TMEM165: variants seen among roughly 807,000 people sequenced by gnomAD.
TMEM165 encodes the protein putative divalent cation/proton antiporter TMEM165.
Under a neutral mutation model 30.0 loss-of-function variants are expected in TMEM165, and 19 were observed. The observed-to-expected ratio is 0.63, with a 90% CI of 0.44 to 0.93. TMEM165 has a LOEUF of 0.93. Ranked by LOEUF, TMEM165 falls within the 40% of genes least tolerant of loss-of-function variation. The probability of loss-of-function intolerance (pLI) is 0.00; values close to 1 mark genes in which losing one functional copy is unlikely to be tolerated. For synonymous variants in TMEM165, 168 were observed against 162.9 expected (o/e 1.03, Z -0.24); for missense variants, 340 against 417.0 (o/e 0.82, Z 1.61).
chr4:55,397,959 T>G (rs1480404509), intron 1 of TMEM165, among the ~76,000 whole-genome samples: 1 of 152,100 alleles, frequency 6.6e-6, no homozygotes, highest in Admixed American at 6.6e-5. Context: ...CCGAGTCTAG[T>G]CTCAAACTCC....
intron 1 of TMEM165, chr4:55,398,976 T>G (rs1220968515): frequency 6.6e-6 from 1 of 152,150 alleles, no homozygotes; most frequent in Non-Finnish European, 1.5e-5. Flanking sequence ...GAACTAAGCT[T>G]TTATCATCTG....
intron 1 of TMEM165, among the ~76,000 whole-genome samples, chr4:55,410,799 T>C (rs1356002525): frequency 6.6e-6 from 1 of 152,204 alleles, no homozygotes; most frequent in Admixed American, 6.6e-5. Context: ...GAATGAGATG[T>C]AGCTAAGAAC....
chr4:55,444,637 A>C (rs758071702), intron 3 of TMEM165: 1 of 1,614,080 alleles, frequency 6.2e-7, no homozygotes, highest in Non-Finnish European at 8.5e-7. Flanking sequence ...AATTACCTGC[A>C]GCCCCTGACC....
chr4:55,428,242 C>A (rs1722317646), downstream of TMEM165: 1 of 152,084 alleles, frequency 6.6e-6, no homozygotes, highest in Non-Finnish European at 1.5e-5. Context: ...AGCAAGAGGC[C>A]TGAGTGGAGG....
intron 3 of TMEM165, among the ~76,000 whole-genome samples, chr4:55,440,283 A>G (rs184989725): frequency 5.9e-5 from 9 of 152,342 alleles, no homozygotes; most frequent in Admixed American, 5.9e-4. Flanking sequence ...TCAACGCAGC[A>G]TAGCGTCCTC....
intron 3 of TMEM165, chr4:55,442,389 C>T (rs955725602): frequency 5.9e-6 from 9 of 1,514,350 alleles, no homozygotes; most frequent in Admixed American, 5.0e-5. Flanking sequence ...TCTAATCAAT[C>T]GGTTTACAAT....
chr4:55,400,914 T>C (rs1310127673), intron 1 of TMEM165, among the ~76,000 whole-genome samples: 1 of 150,840 alleles, frequency 6.6e-6, no homozygotes, highest in Non-Finnish European at 1.5e-5. Flanking sequence ...TTAACAGCAG[T>C]ATTAGCAAGA....
intron 2 of TMEM165, among the ~76,000 whole-genome samples, chr4:55,412,983 ATTTATTTT>A (rs1721576346): frequency 6.6e-6 from 1 of 151,528 alleles, no homozygotes; most frequent in Non-Finnish European, 1.5e-5. Flanking sequence ...TTATTTATTT[ATTTATTTT>A]TTTTTAGAGA....
At chr4:55,451,478 A>C (rs1286443856) in intron 3 of TMEM165, among the ~76,000 whole-genome samples, 2 of 152,140 alleles carry the variant, frequency 1.3e-5, no homozygotes, top group African/African-American at 4.8e-5. Context: ...TGGTGATCCC[A>C]TCAAAATTCA....
At chr4:55,448,131 T>C (rs138834902) in intron 3 of TMEM165, among the ~76,000 whole-genome samples, 80 of 152,348 alleles carry the variant, frequency 5.3e-4, no homozygotes, top group African/African-American at 1.8e-3. Context: ...TCAACTTACA[T>C]ACTTTCAGCA....
chr4:55,397,935 G>T (rs1218078114), intron 1 of TMEM165, among the ~76,000 whole-genome samples: 5 of 151,458 alleles, frequency 3.3e-5, no homozygotes, highest in African/African-American at 7.3e-5. Flanking sequence ...GAGAGAGGAG[G>T]TCTCACTATG....
chr4:55,434,929 T>C (rs1295984169), intron 3 of TMEM165: 1 of 180,008 alleles, frequency 5.6e-6, no homozygotes, highest in Non-Finnish European at 1.2e-5. Flanking sequence ...GTTCCATCAT[T>C]ATCTGAAAAG....
intron 2 of TMEM165, chr4:55,412,220 C>T (rs979952342): frequency 7.5e-5 from 20 of 266,452 alleles, no homozygotes; most frequent in African/African-American, 1.6e-4. Flanking sequence ...GTGGTGAAAC[C>T]GCATCTCTAC....
In TMEM165 at chr4:55,442,169, T is replaced by C. The variant is rs544122995; in HGVS notation, c.409-10070T>C. 75 of 443,836 alleles carry C rather than the reference T, an allele frequency of 1.7e-4. No homozygotes were observed. In the South Asian group the frequency reaches 1.7e-3, roughly 10 times the overall value. The allele number at this position is 443,836 out of a possible 1,614,324, so 27.5% of individuals were successfully genotyped here. On this transcript the variant is annotated intron_variant, in intron 3 of 3. Coordinates refer to the TMEM165 transcript ENST00000608091. The stretch of plus-strand genomic sequence containing the variant: ...GACACAGAGCCTGTCATAAACCTTT[T>C]CTAACAGTGTGCTGCAGAATTTGTA...
chr4:55,401,407 G>T (rs1720989635), intron 1 of TMEM165, among the ~76,000 whole-genome samples: 1 of 150,588 alleles, frequency 6.6e-6, no homozygotes, highest in Admixed American at 6.6e-5. Context: ...AGTCCTTTGA[G>T]TTGAGGGAGA....
At chr4:55,437,573 C>A (rs1038224616) in intron 3 of TMEM165, among the ~76,000 whole-genome samples, 2 of 152,168 alleles carry the variant, frequency 1.3e-5, no homozygotes, top group African/African-American at 4.8e-5. Flanking sequence ...GTCAATATAG[C>A]GGTCACAAAT....
intron 1 of TMEM165, among the ~76,000 whole-genome samples, chr4:55,400,458 T>G (rs542876375): frequency 2.9e-5 from 4 of 139,942 alleles, no homozygotes; most frequent in Non-Finnish European, 4.5e-5. Context: ...ATATATATAT[T>G]TTTTTGTCTC....
chr4:55,396,154 T>C lies in TMEM165; in HGVS notation c.-36T>C, dbSNP rs1720710415. The C allele has an allele frequency of 3.7e-6, 5 of 1,334,068 alleles. No homozygotes were observed. The highest frequency in any genetic ancestry group is 4.7e-6 in the Non-Finnish European group (5 of 1,054,944). The allele number at this position is 1,334,068 out of a possible 1,614,324, so 82.6% of individuals were successfully genotyped here. On this transcript the variant is annotated 5_prime_UTR_variant, in exon 1 of 6. Transcript: ENST00000381334. ...GGCTTCCCGTCGCCGGCACTTCCTCTTGCGGCGCCCGTGCGCGGCCGGCCC... is the reference window on the plus strand; with the variant it reads ...GGCTTCCCGTCGCCGGCACTTCCTCCTGCGGCGCCCGTGCGCGGCCGGCCC...
chr4:55,433,631 C>G (rs963362674), intron 3 of TMEM165: 1 of 152,172 alleles, frequency 6.6e-6, no homozygotes, highest in African/African-American at 2.4e-5. Context: ...TCCTCTCCTC[C>G]CTTTCCTCAG....
Sources: gnomAD v4.1 joint callset for allele counts (sites outside exome capture counted in the v4.1 genomes callset) on GRCh38, gnomAD v4.1.1 for gene constraint, MANE v1.5 for transcripts, NCBI Gene and HGNC (gene_info 2026-07-23, HGNC 2026-07-21) for gene names.